LYRM4: variants seen among roughly 807,000 people sequenced by gnomAD.
The protein encoded by LYRM4 is LYR motif containing 4.
A neutral mutation model predicts 11.7 loss-of-function variants in LYRM4; 9 were observed. The observed-to-expected ratio is 0.77, with a 90% CI of 0.46 to 1.34. The LOEUF (loss-of-function observed/expected upper bound fraction) is 1.34. Among genes scored for constraint, LYRM4 ranks in the 40% most tolerant of loss-of-function variants. The pLI is 0.00. For missense variants in LYRM4, 133 were observed against 112.5 expected, an observed-to-expected ratio of 1.18 and a Z score of -0.82; for synonymous variants, 42 against 40.4, an observed-to-expected ratio of 1.04 and a Z score of -0.15.
the LYRM4 span, among the ~76,000 whole-genome samples, chr6:5,068,828 C>A: frequency 2.0e-5 from 3 of 152,116 alleles, no homozygotes; most frequent in African/African-American, 7.2e-5. This position sits in a 1 kb window ranked among gnomAD's most constrained non-coding sequence, Gnocchi z 4.0. Context: ...TTGTAAACTG[C>A]TGATTTCTTT....
intron 2 of LYRM4, among the ~76,000 whole-genome samples, chr6:5,206,341 C>A (rs866454408): frequency 2.2e-4 from 34 of 152,342 alleles, no homozygotes; most frequent in African/African-American, 7.2e-4. Flanking sequence ...GGTCTCCTGG[C>A]TCGCTGGGCC....
At chr6:5,185,214 T>C (rs1760316716) in intron 2 of LYRM4, among the ~76,000 whole-genome samples, 1 of 152,186 alleles carries the variant, frequency 6.6e-6, no homozygotes, top group South Asian at 2.1e-4. Context: ...AATGAATGAA[T>C]GGGTGAACGA....
chr6:5,106,224 T>C (rs769610744), downstream of LYRM4: 1 of 152,380 alleles, frequency 6.6e-6, no homozygotes, highest in Non-Finnish European at 1.5e-5. Context: ...TACGTCTGTC[T>C]TGTTCACTGG....
At chr6:5,048,290 GGTGTGTGTGTGTGTGTGT>G in the LYRM4 span, among the ~76,000 whole-genome samples, 6,378 of 140,048 alleles carry the variant, frequency 0.046, 464 homozygotes, top group African/African-American at 0.15. Context: ...GACACTTTGT[GGTGTGTGTGTGTGTGTGT>G]GTGTGTGTGT....
Position 5,173,861 on chromosome 6 carries a change from T to C in LYRM4, c.207+42757A>G, listed in dbSNP as rs185787053. On this transcript the variant is annotated intron_variant, in intron 2 of 2. Transcript: ENST00000330636. ...CTTTAAGGCAGGTTAGACATAGAGT[T>C]GCTTTCAATAGGAAGCTGTGCTGGA... 3.4e-4 allele frequency among the ~76,000 whole-genome samples: 52 copies of C among 152,352 alleles called. 1 individual carries two copies. In the East Asian group the frequency reaches 7.9e-3, roughly 23 times the overall value.
intron 1 of LYRM4, among the ~76,000 whole-genome samples, chr6:5,224,244 G>A (rs1020976662): frequency 6.6e-6 from 1 of 152,184 alleles, no homozygotes; most frequent in Non-Finnish European, 1.5e-5. Context: ...AAATAAATTA[G>A]TGGCATAAAA....
chr6:5,080,404 T>C, the LYRM4 span, among the ~76,000 whole-genome samples: 5 of 152,260 alleles, frequency 3.3e-5, no homozygotes, highest in Admixed American at 2.6e-4. Context: ...TACTGGGATC[T>C]GCATACCTCC....
chr6:5,179,267 C>G (rs1037338692), intron 2 of LYRM4, among the ~76,000 whole-genome samples: 1 of 152,046 alleles, frequency 6.6e-6, no homozygotes, highest in African/African-American at 2.4e-5. Context: ...GCAAAATTTA[C>G]CATTTAAACT....
chr6:5,216,538 A>G (rs1418472107), intron 2 of LYRM4, 80 bp downstream of exon 2: 5 of 1,547,632 alleles, frequency 3.2e-6, no homozygotes, highest in East Asian at 4.5e-5. Flanking sequence ...CAACACCAAA[A>G]GCACGGCTGT....
At chr6:5,073,500 A>C in the LYRM4 span, among the ~76,000 whole-genome samples, 850 of 148,174 alleles carry the variant, frequency 5.7e-3, 8 homozygotes, top group Middle Eastern at 0.029. Flanking sequence ...ATATATCTCT[A>C]TATATATCTC....
the LYRM4 span, among the ~76,000 whole-genome samples, chr6:5,075,541 T>C: frequency 3.3e-5 from 5 of 152,128 alleles, no homozygotes; most frequent in Non-Finnish European, 7.3e-5. Context: ...TGCAGGTGGG[T>C]CACACTGGGG....
chr6:5,257,565 GA>G (rs1764737409), intron 1 of LYRM4, among the ~76,000 whole-genome samples: 1 of 152,176 alleles, frequency 6.6e-6, no homozygotes, highest in Non-Finnish European at 1.5e-5. Context: ...GGCCTGTTAG[GA>G]ACCGGGCCAC....
chr6:5,081,136 G>GC, the LYRM4 span, among the ~76,000 whole-genome samples: 4 of 3,558 alleles, frequency 1.1e-3, no homozygotes, highest in African/African-American at 2.3e-3. Flanking sequence ...CACTTGGGCG[G>GC]GGGGGGGGGG....
At chr6:5,216,297 A>G (rs2033232685) in intron 2 of LYRM4, among the ~76,000 whole-genome samples, 3 of 152,238 alleles carry the variant, frequency 2.0e-5, no homozygotes, top group Non-Finnish European at 1.5e-5. Context: ...ACTCTGAAAT[A>G]TATCCAAGTA....
chr6:5,170,792 A>G (rs929017661), intron 2 of LYRM4, among the ~76,000 whole-genome samples: 1 of 152,216 alleles, frequency 6.6e-6, no homozygotes, highest in Non-Finnish European at 1.5e-5. Context: ...TGACCTATCA[A>G]TTCTACTTCT....
At chr6:5,257,663 G>C (rs1292429080) in intron 1 of LYRM4, among the ~76,000 whole-genome samples, 1 of 152,142 alleles carries the variant, frequency 6.6e-6, no homozygotes, top group Non-Finnish European at 1.5e-5. Context: ...TCTCATAGGT[G>C]CACCTATTGT....
the LYRM4 span, chr6:5,086,943 A>G: frequency 4.4e-6 from 1 of 229,422 alleles, no homozygotes; most frequent in Admixed American, 5.1e-5. Flanking sequence ...TTTTAACTCT[A>G]AATATCATAT....
chr6:5,231,907 C>T (rs998381955), intron 1 of LYRM4, among the ~76,000 whole-genome samples: 1 of 152,144 alleles, frequency 6.6e-6, no homozygotes, highest in Non-Finnish European at 1.5e-5. Context: ...CTATAACATC[C>T]CTGTGAATCA....
At chr6:5,242,388 T>G (rs1763937647) in intron 1 of LYRM4, among the ~76,000 whole-genome samples, 1 of 145,642 alleles carries the variant, frequency 6.9e-6, no homozygotes, top group Admixed American at 6.8e-5. Context: ...ACTTTTAAAT[T>G]AAGAGTTCCT....
Sources: gnomAD v4.1 joint callset for allele counts (sites outside exome capture counted in the v4.1 genomes callset) on GRCh38, gnomAD v4.1.1 for gene constraint, Gnocchi (gnomAD v3.1) non-coding constraint, MANE v1.5 for transcripts, NCBI Gene and HGNC (gene_info 2026-07-23, HGNC 2026-07-21) for gene names.